The following ANAPC16 variants were observed in gnomAD, a reference collection of about 807,000 sequenced individuals.
ANAPC16 encodes the protein anaphase-promoting complex subunit 16.
A neutral mutation model predicts 13.1 loss-of-function variants in ANAPC16; 6 were observed. The ratio of observed to expected loss-of-function variants is 0.46; its 90% CI spans 0.25 to 0.90. ANAPC16 has a LOEUF of 0.90. ANAPC16 is among the 40% of genes least tolerant of loss of function. The probability of loss-of-function intolerance (pLI) is 0.18; values close to 1 mark genes in which losing one functional copy is unlikely to be tolerated. For missense variants in ANAPC16, 113 were observed against 131.1 expected (o/e 0.86, Z 0.67); for synonymous variants, 55 against 51.3 (o/e 1.07, Z -0.31).
At chr10:72,220,884 T>C (rs1385452132) in intron 1 of ANAPC16, 1 of 151,214 alleles carries the variant, frequency 6.6e-6, no homozygotes, top group African/African-American at 2.4e-5. Context: ...AAATTCTCTC[T>C]GACCATTATA....
intron 1 of ANAPC16, among the ~76,000 whole-genome samples, chr10:72,222,979 A>G (rs571118092): frequency 9.2e-5 from 14 of 152,136 alleles, no homozygotes; most frequent in African/African-American, 3.4e-4. Flanking sequence ...TGCTCTGTTC[A>G]TAATAGGCCA....
At chr10:72,219,704 T>C (rs1859825363) in intron 1 of ANAPC16, among the ~76,000 whole-genome samples, 1 of 152,124 alleles carries the variant, frequency 6.6e-6, no homozygotes, top group South Asian at 2.1e-4. Context: ...GCCACTGCAT[T>C]CCAGCCTGGG....
chr10:72,219,609 T>A (rs566433239), intron 1 of ANAPC16, among the ~76,000 whole-genome samples: 1 of 152,106 alleles, frequency 6.6e-6, no homozygotes, highest in African/African-American at 2.4e-5. Flanking sequence ...TTCTGGCACG[T>A]GCCTGTAGTC....
At chr10:72,222,637 C>T (rs1370029479) in intron 1 of ANAPC16, among the ~76,000 whole-genome samples, 4 of 152,068 alleles carry the variant, frequency 2.6e-5, no homozygotes, top group African/African-American at 9.7e-5. Context: ...ATTAGCTGGG[C>T]ATGGTGGCTC....
intron 3 of ANAPC16, among the ~76,000 whole-genome samples, 162 bp from the exon 4 acceptor site, chr10:72,232,839 C>T (rs969217513): frequency 2.6e-5 from 4 of 151,938 alleles, no homozygotes; most frequent in African/African-American, 7.2e-5. Flanking sequence ...CTCTTGACCT[C>T]GTGATCCGCC....
intron 1 of ANAPC16, chr10:72,216,397 G>C (rs1050924801): frequency 5.4e-6 from 1 of 185,060 alleles, no homozygotes; most frequent in Admixed American, 5.6e-5. Context: ...AAAGTGGCTA[G>C]GAGTTAGCTT....
intron 2 of ANAPC16, among the ~76,000 whole-genome samples, chr10:72,230,046 A>G (rs1589716654): frequency 3.3e-5 from 5 of 152,326 alleles, no homozygotes; most frequent in African/African-American, 9.6e-5. Flanking sequence ...TTTGCTTGAC[A>G]TACAGGAGAA....
chr10:72,216,360 GT>G, intron 1 of ANAPC16: 1 of 170,964 alleles, frequency 5.8e-6, no homozygotes, highest in African/African-American at 2.4e-5. Context: ...CGATGGCGTA[GT>G]TTCCTGGGGA....
intron 2 of ANAPC16, among the ~76,000 whole-genome samples, chr10:72,227,289 G>A (rs1860151520): frequency 6.6e-6 from 1 of 152,178 alleles, no homozygotes; most frequent in Non-Finnish European, 1.5e-5. Flanking sequence ...TCTGAGATTA[G>A]TCTGAATGTT....
In ANAPC16 at chr10:72,233,019, T is replaced by C; in HGVS notation, c.236T>C (p.Met79Thr). 1 of 1,614,162 alleles carries C rather than the reference T, an allele frequency of 6.2e-7. No homozygotes were observed. Among genetic ancestry groups the C allele is most frequent in the Non-Finnish European group, 8.5e-7 (1 of 1,180,004 alleles). Residue 79 changes from methionine to threonine, a missense_variant, in exon 4 of 4, where the codon ATG becomes ACG. Transcript: ENST00000299381. ...CTTACAGATCAGCAAGTTGCTCGGA[T>C]GGAAAAACTAGCTGGTTTGGTAGAA... ...QVKHDQQVAR[M>T]EKLAGLVEEL...
intron 2 of ANAPC16, among the ~76,000 whole-genome samples, chr10:72,227,428 T>G (rs180913509): frequency 6.6e-6 from 1 of 152,266 alleles, no homozygotes; most frequent in Admixed American, 6.5e-5. Flanking sequence ...CAGTTTTGAT[T>G]GTGTTTCTTA....
intron 2 of ANAPC16, among the ~76,000 whole-genome samples, chr10:72,229,096 GATA>G (rs929369649): frequency 4.6e-5 from 7 of 151,670 alleles, no homozygotes; most frequent in Non-Finnish European, 1.0e-4. Flanking sequence ...ATATGAATAG[GATA>G]ATGACTGCTG....
chr10:72,216,306 G>A (rs1460923938), intron 1 of ANAPC16, 168 bp downstream of exon 1: 1 of 160,506 alleles, frequency 6.2e-6, no homozygotes, highest in African/African-American at 2.4e-5. Context: ...TTGACCGAGT[G>A]CGCATGCGGG....
Position 72,233,574 on chromosome 10 carries a change from G to A in ANAPC16, c.*458G>A, listed in dbSNP as rs1300464695. The A allele has an allele frequency of 6.5e-6, 1 of 153,814 alleles. No homozygotes were observed. The highest frequency in any genetic ancestry group is 1.9e-4 in the East Asian group (1 of 5,254). 9.5% of individuals were successfully genotyped at this position (153,814 alleles called of 1,614,324 possible). A position where few individuals can be genotyped will look rare whatever the true frequency, so the allele number is the denominator to read the frequency against. On this transcript the variant is annotated 3_prime_UTR_variant, in exon 4 of 4. Coordinates refer to ENST00000299381, the MANE Select transcript of ANAPC16 (RefSeq NM_173473.4). ...GCAGATGAATGTGTTTTCAACTCAG[G>A]ACCTATCCAAATGAGGAATTTTTAA...
At chr10:72,230,940 G>A (rs1346529175) in intron 3 of ANAPC16, among the ~76,000 whole-genome samples, 2 of 152,122 alleles carry the variant, frequency 1.3e-5, no homozygotes, top group African/African-American at 4.8e-5. Context: ...CTCCTCTTGT[G>A]TTACTTTTTC....
intron 2 of ANAPC16, among the ~76,000 whole-genome samples, chr10:72,227,625 AATGTAAGG>A (rs1489960349): frequency 1.3e-5 from 2 of 152,236 alleles, no homozygotes; most frequent in South Asian, 2.1e-4. Flanking sequence ...AGTACTCTGA[AATGTAAGG>A]ATGTTGGATT....
At chr10:72,229,457 G>A (rs1358179404) in intron 2 of ANAPC16, among the ~76,000 whole-genome samples, 1 of 151,944 alleles carries the variant, frequency 6.6e-6, no homozygotes, top group Non-Finnish European at 1.5e-5. Flanking sequence ...CATGATTGAT[G>A]GGTGAATGCT....
rs1860439843 is a variant in ANAPC16 at position 72,235,321 on chromosome 10, G to A, written c.*2205G>A. On this transcript the variant is annotated 3_prime_UTR_variant, in exon 4 of 4. Transcript: ENST00000299381. ...AAAAAAATTAGCCAGGCGTGGTGGC[G>A]GGCGCCTGTAATCCCAGCTACTCAG... 6.9e-6 allele frequency: 1 copy of A among 144,260 alleles called. No individual in the cohort carries two copies. The highest frequency in any genetic ancestry group is 2.2e-4 in the South Asian group (1 of 4,486). 8.9% of individuals were successfully genotyped at this position (144,260 alleles called of 1,614,324 possible).
At chr10:72,218,145 C>CAAAAAAAAAAAAAAAAAAAA (rs142932037) in intron 1 of ANAPC16, among the ~76,000 whole-genome samples, 3 of 34,884 alleles carry the variant, frequency 8.6e-5, no homozygotes, top group East Asian at 1.4e-3. Context: ...AACTCTGTCT[C>CAAAAAAAAAAAAAAAAAAAA]AAAAAAAAAA....
Sources: gnomAD v4.1 joint callset for allele counts (sites outside exome capture counted in the v4.1 genomes callset) on GRCh38, gnomAD v4.1.1 for gene constraint, MANE v1.5 for transcripts, NCBI Gene and HGNC (gene_info 2026-07-23, HGNC 2026-07-21) for gene names.